Variants in SHISA6 observed in about 807,000 individuals in gnomAD.
SHISA6 encodes the protein shisa family member 6.
Under a neutral mutation model 47.9 loss-of-function variants are expected in SHISA6, and 22 were observed. The observed-to-expected ratio is 0.46, with a 90% CI of 0.33 to 0.66. SHISA6 has a LOEUF of 0.66. Ranked by LOEUF, SHISA6 falls within the 30% of genes least tolerant of loss-of-function variation. The probability of loss-of-function intolerance (pLI) is 0.02; values close to 1 mark genes in which losing one functional copy is unlikely to be tolerated. For missense variants in SHISA6, 680 were observed against 764.6 expected, an observed-to-expected ratio of 0.89 and a Z score of 1.30; for synonymous variants, 388 against 337.8, an observed-to-expected ratio of 1.15 and a Z score of -1.63.
chr17:11,436,630 A>G (rs1222228414), intron 3 of SHISA6, among the ~76,000 whole-genome samples: 1 of 152,186 alleles, frequency 6.6e-6, no homozygotes, highest in African/African-American at 2.4e-5. Context: ...TTTAAACACC[A>G]TGAGGGGAGG....
intron 2 of SHISA6, among the ~76,000 whole-genome samples, chr17:11,366,171 A>C (rs1332247164): frequency 6.6e-6 from 1 of 152,174 alleles, no homozygotes; most frequent in Non-Finnish European, 1.5e-5. Context: ...TTTTTGAGAC[A>C]AGATCTCATT....
At chr17:11,304,616 C>T (rs576058601) in intron 2 of SHISA6, among the ~76,000 whole-genome samples, 9 of 152,174 alleles carry the variant, frequency 5.9e-5, no homozygotes, top group South Asian at 2.1e-4. Flanking sequence ...CATCAGAAGA[C>T]GAGATGAGTG....
chr17:11,371,255 TCCCA>T (rs1179621340), intron 2 of SHISA6, among the ~76,000 whole-genome samples: 1 of 152,178 alleles, frequency 6.6e-6, no homozygotes, highest in Non-Finnish European at 1.5e-5. Flanking sequence ...GTCTCCTGGC[TCCCA>T]GCCCCCTTCT....
At chr17:11,525,022 C>T (rs2071664166) in intron 3 of SHISA6, among the ~76,000 whole-genome samples, 1 of 152,002 alleles carries the variant, frequency 6.6e-6, no homozygotes, top group African/African-American at 2.4e-5. Flanking sequence ...TTTGTGGTTA[C>T]AAGTTTGATT....
chr17:11,535,109 G>A (rs886929962), intron 3 of SHISA6, among the ~76,000 whole-genome samples: 3 of 151,952 alleles, frequency 2.0e-5, no homozygotes, highest in African/African-American at 4.8e-5. Context: ...ACTCCAGCCT[G>A]GCAACAAAGC....
chr17:11,341,328 CTTTTTTTTTTTTT>C (rs71367322), intron 2 of SHISA6, among the ~76,000 whole-genome samples: 2 of 88,826 alleles, frequency 2.3e-5, no homozygotes, highest in African/African-American at 9.0e-5. Flanking sequence ...CTCTCTCTCT[CTTTTTTTTTTTTT>C]TTTTTTTTTT....
intron 2 of SHISA6, among the ~76,000 whole-genome samples, chr17:11,275,608 G>A (rs761238185): frequency 1.3e-5 from 2 of 152,194 alleles, no homozygotes; most frequent in Non-Finnish European, 2.9e-5. Flanking sequence ...GAGAAAGAGA[G>A]CAGGAAAAGA....
At chr17:11,428,576 G>GTTATC (rs1255867062) in intron 3 of SHISA6, among the ~76,000 whole-genome samples, 3 of 152,194 alleles carry the variant, frequency 2.0e-5, no homozygotes, top group Non-Finnish European at 4.4e-5. Context: ...GTTTGTATTA[G>GTTATC]TTATCTATTG....
At position 11,291,170 on chromosome 17, in the gene SHISA6, C is replaced by T. The variant is rs551251766; in HGVS notation, c.799+27644C>T. Among the ~76,000 whole-genome samples the T allele has an allele frequency of 5.3e-5, 8 of 151,852 alleles. No homozygotes were observed. The South Asian group carries it at 6.2e-4, about 12-fold the overall frequency. On this transcript the variant is annotated intron_variant, in intron 2 of 5. Transcript: ENST00000441885. ...GCCCTTAGGGAGTGAGAGTTCGGGACGGGGAGAGAGAATAAAAACACAGGA... is the reference window on the plus strand; with the variant it reads ...GCCCTTAGGGAGTGAGAGTTCGGGATGGGGAGAGAGAATAAAAACACAGGA...
chr17:11,554,446 C>G (rs987903227), intron 4 of SHISA6, among the ~76,000 whole-genome samples: 31 of 152,218 alleles, frequency 2.0e-4, no homozygotes, highest in African/African-American at 6.7e-4. Flanking sequence ...TGGGGCTGCC[C>G]TTGGACAATG....
intron 3 of SHISA6, among the ~76,000 whole-genome samples, chr17:11,520,564 A>C (rs995762480): frequency 3.9e-5 from 6 of 152,124 alleles, no homozygotes; most frequent in Non-Finnish European, 5.9e-5. Flanking sequence ...TCATCCAGCT[A>C]CACTGATCAT....
chr17:11,428,504 C>T (rs1325078589), intron 3 of SHISA6, among the ~76,000 whole-genome samples: 1 of 152,184 alleles, frequency 6.6e-6, no homozygotes. Context: ...CTCTTTAAGG[C>T]AGGGATATGT....
rs192790902 is a variant in SHISA6 at position 11,558,126 on chromosome 17, G to A, written c.1478G>A (p.Ser493Asn). The A allele has an allele frequency of 5.7e-5, 89 of 1,551,222 alleles. No individual in the cohort carries two copies. Among genetic ancestry groups the A allele is most frequent in the Admixed American group, 2.9e-4 (15 of 51,016 alleles). Residue 493 changes from serine to asparagine, a missense_variant, in exon 6 of 6, where the codon AGC becomes AAC. By Grantham distance (46) the Ser-to-Asn change is conservative. Around this residue, in one of 2 missense-constraint regions of SHISA6, gnomAD observed 559 missense variants for 674.1 expected, o/e 0.83. Transcript: ENST00000441885. ...CCCGTGCTGGACCGCTACCGCATGA[G>A]CAAGATGCACTCTCATCCCAGTGCC... ...STPVLDRYRM[S>N]KMHSHPSASN...
intron 3 of SHISA6, among the ~76,000 whole-genome samples, chr17:11,426,763 A>G (rs1355441090): frequency 6.6e-6 from 1 of 152,214 alleles, no homozygotes; most frequent in Non-Finnish European, 1.5e-5. Context: ...ACGGTGTTAA[A>G]TAATTCTGGA....
At position 11,426,927 on chromosome 17, in the gene SHISA6, AAAC is replaced by A. The variant is rs775812915; in HGVS notation, c.895+47424_895+47426del. ...TTTTTCCACAACCCTTCTTTGCAGA[AAAC>A]AACAATAACAACATCACGTTGCCAT... On this transcript the variant is annotated intron_variant, in intron 3 of 5. Coordinates refer to ENST00000441885, the MANE Select transcript of SHISA6 (RefSeq NM_207386.4). Among the ~76,000 whole-genome samples, 16 of 152,290 alleles carry A rather than the reference AAAC, an allele frequency of 1.1e-4. 1 individual carries two copies. The East Asian group carries it at 2.1e-3, about 20-fold the overall frequency.
intron 1 of SHISA6, among the ~76,000 whole-genome samples, chr17:11,259,069 T>G (rs894553600): frequency 2.6e-5 from 4 of 151,622 alleles, no homozygotes; most frequent in African/African-American, 9.7e-5. Context: ...GATGGATGGA[T>G]GAGGGGATGA....
rs934430189 is a variant in SHISA6 at position 11,563,991 on chromosome 17, A to G, written c.*5687A>G. ...AAACAGATACACTTTAGTAAGATTT[A>G]GTCTTAAGGATTTTTCCACTTTTGT... On this transcript the variant is annotated 3_prime_UTR_variant, in exon 6 of 6. Coordinates refer to ENST00000441885, the MANE Select transcript of SHISA6 (RefSeq NM_207386.4). 4 of 152,242 alleles carry G rather than the reference A, an allele frequency of 2.6e-5. No individual in the cohort carries two copies. Among genetic ancestry groups the G allele is most frequent in the Non-Finnish European group, 5.9e-5 (4 of 68,032 alleles). The allele number at this position is 152,242 out of a possible 1,614,324, so 9.4% of individuals were successfully genotyped here.
At chr17:11,365,856 GT>G (rs1381703967) in intron 2 of SHISA6, among the ~76,000 whole-genome samples, 1 of 152,174 alleles carries the variant, frequency 6.6e-6, no homozygotes, top group Non-Finnish European at 1.5e-5. Context: ...GATAGAGAAT[GT>G]TGGGGAGCCT....
rs1471142840 is a variant in SHISA6 at position 11,292,107 on chromosome 17, G to C, written c.799+28581G>C. 5.9e-5 allele frequency among the ~76,000 whole-genome samples: 9 copies of C among 151,958 alleles called. No homozygotes were observed. In the South Asian group the frequency reaches 1.9e-3, roughly 32 times the overall value. On this transcript the variant is annotated intron_variant, in intron 2 of 5. Coordinates refer to ENST00000441885, the MANE Select transcript of SHISA6 (RefSeq NM_207386.4). ...TAGATCTCTTGCACTTATTCTTCCT[G>C]TCTAACTGAAATTGTGTATAATTTG...
Sources: allele counts gnomAD v4.1 joint callset (sites outside exome capture counted in the v4.1 genomes callset), GRCh38; gene constraint gnomAD v4.1.1; regional missense constraint gnomAD v4.1.1; transcripts MANE v1.5; gene names NCBI Gene and HGNC (gene_info 2026-07-23, HGNC 2026-07-21).